TMEM212: variants seen among roughly 807,000 people sequenced by gnomAD.
TMEM212 encodes the protein transmembrane protein 212.
Under a neutral mutation model 20.5 loss-of-function variants are expected in TMEM212, and 23 were observed. That is an observed-to-expected ratio of 1.12 (90% CI 0.81 to 1.59). The LOEUF (loss-of-function observed/expected upper bound fraction) is 1.59, where lower values mean the gene tolerates loss of function less well. TMEM212 is among the 40% of genes most tolerant of loss of function. The pLI, the probability that TMEM212 is intolerant of heterozygous loss-of-function variation, is 0.00. For missense variants in TMEM212, 211 were observed against 215.0 expected (o/e 0.98, Z 0.12); for synonymous variants, 76 against 81.6 (o/e 0.93, Z 0.37).
intron 1 of TMEM212, among the ~76,000 whole-genome samples, chr3:171,850,007 CCT>C (rs975752549): frequency 3.3e-5 from 5 of 152,114 alleles, no homozygotes; most frequent in Admixed American, 2.0e-4. Context: ...ACTATTCCCC[CCT>C]CAGACACTCC....
chr3:171,847,165 G>A (rs541046923), intron 1 of TMEM212, among the ~76,000 whole-genome samples: 1 of 152,192 alleles, frequency 6.6e-6, no homozygotes, highest in Non-Finnish European at 1.5e-5. Context: ...AGTATTCAGT[G>A]AGGAGATCAT....
At chr3:171,844,304 C>T (rs1410640100) in intron 1 of TMEM212, among the ~76,000 whole-genome samples, 2 of 152,126 alleles carry the variant, frequency 1.3e-5, no homozygotes, top group Non-Finnish European at 2.9e-5. Flanking sequence ...TTACAGAGAC[C>T]CACCTGTCCA....
rs986008626 is a variant in TMEM212 at position 171,845,754 on chromosome 3, T to A, written c.159+2212T>A. 3.9e-5 allele frequency among the ~76,000 whole-genome samples: 6 copies of A among 151,976 alleles called. No individual in the cohort carries two copies. The South Asian group carries it at 1.0e-3, about 26-fold the overall frequency. The stretch of plus-strand genomic sequence containing the variant: ...TGACTTTGATGTTCTTGGTAGGAGG[T>A]CAAAAGCAGGACCCTCAGCCAGCCA... On this transcript the variant is annotated intron_variant, in intron 1 of 4. Coordinates refer to ENST00000334567, the MANE Select transcript of TMEM212 (RefSeq NM_001164436.2).
intron 1 of TMEM212, among the ~76,000 whole-genome samples, chr3:171,845,952 T>G (rs752899277): frequency 6.6e-6 from 1 of 152,228 alleles, no homozygotes; most frequent in Admixed American, 6.5e-5. Context: ...GTTAATACTA[T>G]GCCTTTCATT....
intron 1 of TMEM212, among the ~76,000 whole-genome samples, chr3:171,845,927 C>T (rs11916953): frequency 8.7e-4 from 132 of 152,230 alleles, no homozygotes; most frequent in African/African-American, 3.0e-3. Context: ...ATTTTAAAGC[C>T]CTCTTCAAAT....
intron 1 of TMEM212, among the ~76,000 whole-genome samples, chr3:171,847,933 A>T (rs1277764569): frequency 6.6e-6 from 1 of 152,172 alleles, no homozygotes; most frequent in African/African-American, 2.4e-5. Flanking sequence ...GGCCTAGGAG[A>T]AGGTTCAGGA....
At chr3:171,853,323 G>GAAAA (rs201293595) in intron 2 of TMEM212, among the ~76,000 whole-genome samples, 1 of 110,742 alleles carries the variant, frequency 9.0e-6, no homozygotes, top group African/African-American at 3.3e-5. Flanking sequence ...CTTAAAAAGT[G>GAAAA]AAAAAAAAAA....
chr3:171,843,581 A>C (rs1724763210), intron 1 of TMEM212, 39 bp downstream of exon 1: 3 of 1,471,422 alleles, frequency 2.0e-6, no homozygotes, highest in Middle Eastern at 1.8e-4. Flanking sequence ...AGAAAATAAA[A>C]GAAGGTGGGA....
At chr3:171,852,576 A>C (rs192323177) in intron 2 of TMEM212, among the ~76,000 whole-genome samples, 34 of 152,304 alleles carry the variant, frequency 2.2e-4, no homozygotes, top group Admixed American at 5.9e-4. Flanking sequence ...TTTGGGGAGG[A>C]CAGAGCCTGT....
At chr3:171,854,516 G>T (rs1225675061) in intron 3 of TMEM212, among the ~76,000 whole-genome samples, 2 of 151,990 alleles carry the variant, frequency 1.3e-5, no homozygotes, top group African/African-American at 4.8e-5. Context: ...TAAATAAAAA[G>T]GTATCCCATA....
chr3:171,852,940 T>C (rs1379631284), intron 2 of TMEM212, among the ~76,000 whole-genome samples: 2 of 152,216 alleles, frequency 1.3e-5, no homozygotes, highest in Non-Finnish European at 2.9e-5. Flanking sequence ...TCTGCCAAGC[T>C]CCCAGGGGAT....
chr3:171,854,178 A>T (rs758501166), intron 3 of TMEM212, among the ~76,000 whole-genome samples: 1 of 152,166 alleles, frequency 6.6e-6, no homozygotes, highest in African/African-American at 2.4e-5. Context: ...AGTTCTAGCC[A>T]GAGCAATTAG....
intron 1 of TMEM212, among the ~76,000 whole-genome samples, chr3:171,849,214 C>T (rs1724912384): frequency 6.6e-6 from 1 of 152,146 alleles, no homozygotes; most frequent in Non-Finnish European, 1.5e-5. Flanking sequence ...AAATCACATC[C>T]ATCCTTAAAC....
chr3:171,853,821 G>C lies in TMEM212; in HGVS notation c.514G>C (p.Ala172Pro). 6.5e-7 allele frequency: 1 copy of C among 1,536,556 alleles called. No individual in the cohort carries two copies. The highest frequency in any genetic ancestry group is 8.7e-7 in the Non-Finnish European group (1 of 1,146,658). Residue 172 changes from alanine (A) to proline (P), a missense_variant, in exon 3 of 5, where the codon GCA (alanine) becomes CCA (proline). Transcript: ENST00000334567. ...TSLTVFIKLS[A>P]RLIQNGHINM... ...CTTGACAGTGTTCATCAAACTTTCT[G>C]CAAGACTTATCCAGAATGGACACAT... is the stretch of plus-strand genomic sequence containing the variant.
At chr3:171,853,936 T>C (rs2108381997) in intron 3 of TMEM212, 86 bp downstream of exon 3, 4 of 1,041,582 alleles carry the variant, frequency 3.8e-6, no homozygotes, top group East Asian at 2.6e-5. Context: ...TTGATCTTTC[T>C]CTGTTATTTA....
At chr3:171,857,882 G>A (rs115424932) in intron 4 of TMEM212, among the ~76,000 whole-genome samples, 179 bp from the exon 5 acceptor site, 5,357 of 151,438 alleles carry the variant, frequency 0.035, 345 homozygotes, top group African/African-American at 0.13. Context: ...ATTATCAACC[G>A]GGTAAGAGAT....
Position 171,858,772 on chromosome 3 carries a change from A to G in TMEM212, c.*715A>G, listed in dbSNP as rs1725179165. 3 of 152,232 alleles carry G rather than the reference A, an allele frequency of 2.0e-5. No homozygotes were observed. Among genetic ancestry groups the G allele is most frequent in the South Asian group, 4.1e-4 (2 of 4,836 alleles). 9.4% of individuals were successfully genotyped at this position (152,232 alleles called of 1,614,324 possible). On this transcript the variant is annotated 3_prime_UTR_variant, in exon 5 of 5. Coordinates refer to ENST00000334567, the MANE Select transcript of TMEM212 (RefSeq NM_001164436.2). ...CAAAAAGTAGGCAAAGGACATGGAC[A>G]CTTCTCAAAAGAAGACATTTATGAA...
rs1434326761 is a variant in TMEM212 at position 171,858,152 on chromosome 3, C to T, written c.*95C>T. The T allele has an allele frequency of 6.6e-6, 1 of 152,158 alleles. No individual in the cohort carries two copies. Among genetic ancestry groups the T allele is most frequent in the East Asian group, 1.9e-4 (1 of 5,200 alleles). The allele number at this position is 152,158 out of a possible 1,614,324, so 9.4% of individuals were successfully genotyped here. ...AAAAAGAACAAAGCTGGAGGCATCA[C>T]ACTACCTGACTTCAAACTATTCTAC... On this transcript the variant is annotated 3_prime_UTR_variant, in exon 5 of 5. Transcript: ENST00000334567.
intron 1 of TMEM212, 123 bp from the exon 2 acceptor site, chr3:171,851,859 T>G: frequency 1.2e-6 from 1 of 846,404 alleles, no homozygotes; most frequent in Non-Finnish European, 1.9e-6. Context: ...GAGCCATAAA[T>G]CCACTGAGTC....
Sources: allele counts gnomAD v4.1 joint callset (sites outside exome capture counted in the v4.1 genomes callset), GRCh38; gene constraint gnomAD v4.1.1; transcripts MANE v1.5; gene names NCBI Gene and HGNC (gene_info 2026-07-23, HGNC 2026-07-21).